The following MGAT4C variants were observed in gnomAD, a reference collection of about 807,000 sequenced individuals.
MGAT4C encodes the protein MGAT4 family member C.
In MGAT4C, 19 loss-of-function variants were observed where a neutral mutation model predicts 40.1. That is an observed-to-expected ratio of 0.47 (90% confidence interval 0.33 to 0.70). MGAT4C has a LOEUF of 0.70. MGAT4C is among the 30% of genes least tolerant of loss of function. The pLI is 0.02. For missense variants in MGAT4C, 491 were observed against 563.2 expected (o/e 0.87, Z 1.30); for synonymous variants, 181 against 187.1 (o/e 0.97, Z 0.27).
At chr12:86,041,070 AC>A (rs1309856317) in intron 2 of MGAT4C, among the ~76,000 whole-genome samples, 7 of 151,530 alleles carry the variant, frequency 4.6e-5, no homozygotes, top group Admixed American at 3.3e-4. Flanking sequence ...TGCTGACATC[AC>A]CCACCTTCTG....
chr12:86,448,739 T>C (rs779334663), intron 2 of MGAT4C, among the ~76,000 whole-genome samples: 1 of 152,226 alleles, frequency 6.6e-6, no homozygotes, highest in Non-Finnish European at 1.5e-5. Flanking sequence ...GGCAAGGAGA[T>C]AGTGTTTAAC....
chr12:86,388,842 T>C (rs555066552), intron 3 of MGAT4C, among the ~76,000 whole-genome samples: 1 of 151,810 alleles, frequency 6.6e-6, no homozygotes, highest in African/African-American at 2.4e-5. Flanking sequence ...CCACCATGCC[T>C]GGCTAATTTT....
At chr12:86,560,112 A>C (rs992085078) in intron 2 of MGAT4C, among the ~76,000 whole-genome samples, 4 of 152,068 alleles carry the variant, frequency 2.6e-5, no homozygotes, top group African/African-American at 4.8e-5. Flanking sequence ...GAATTAAAAA[A>C]AAATTGAACA....
chr12:86,214,066 C>G (rs1282991520), intron 1 of MGAT4C, among the ~76,000 whole-genome samples: 1 of 152,180 alleles, frequency 6.6e-6, no homozygotes, highest in Non-Finnish European at 1.5e-5. Context: ...CTCCCAGGCT[C>G]TATATCATCT....
chr12:86,554,372 T>C (rs929261700), intron 2 of MGAT4C, among the ~76,000 whole-genome samples: 4 of 152,330 alleles, frequency 2.6e-5, no homozygotes, highest in South Asian at 2.1e-4. Flanking sequence ...CAAACCCTGA[T>C]TCACTTTTAG....
At chr12:86,394,662 CTCTG>C (rs1429629692) in intron 3 of MGAT4C, among the ~76,000 whole-genome samples, 9 of 136,968 alleles carry the variant, frequency 6.6e-5, no homozygotes, top group African/African-American at 2.4e-4. Flanking sequence ...GAGACAGAGT[CTCTG>C]TCTGTTGCAG....
chr12:86,608,300 C>T lies in MGAT4C; in HGVS notation c.-229+118909G>A, dbSNP rs138896593. Among the ~76,000 whole-genome samples, 470 of 152,112 alleles carry T rather than the reference C, an allele frequency of 3.1e-3. 2 individuals are homozygous for T. Among genetic ancestry groups the T allele is most frequent in the African/African-American group, 0.011 (456 of 41,492 alleles). On this transcript the variant is annotated intron_variant, in intron 2 of 7. Coordinates refer to the MGAT4C transcript ENST00000548651. ...TCACAGGAAAAATGAAAAGATTCGG[C>T]CAGCATGGTGACTCACACCTATAAT...
intron 2 of MGAT4C, among the ~76,000 whole-genome samples, chr12:86,034,948 A>T (rs1438585909): frequency 6.7e-6 from 1 of 150,020 alleles, no homozygotes; most frequent in Non-Finnish European, 1.5e-5. Context: ...CATAGTGTAT[A>T]TGTGACACAT....
intron 2 of MGAT4C, among the ~76,000 whole-genome samples, chr12:86,499,690 C>G (rs1198401729): frequency 6.6e-6 from 1 of 151,906 alleles, no homozygotes; most frequent in African/African-American, 2.4e-5. Context: ...TAATAATTCT[C>G]ATTTTTCCAT....
At chr12:86,309,874 A>G (rs1954025789) in intron 4 of MGAT4C, among the ~76,000 whole-genome samples, 1 of 152,184 alleles carries the variant, frequency 6.6e-6, no homozygotes, top group Non-Finnish European at 1.5e-5. Context: ...CAAAATTTTA[A>G]AAATAATTTA....
intron 2 of MGAT4C, among the ~76,000 whole-genome samples, chr12:86,458,316 A>G (rs1212568966): frequency 2.0e-5 from 3 of 152,154 alleles, no homozygotes; most frequent in Non-Finnish European, 4.4e-5. Context: ...AGTTGTCTGT[A>G]TAAGGATTTC....
chr12:86,804,552 TAA>T (rs1466533089), intron 1 of MGAT4C, among the ~76,000 whole-genome samples: 9 of 151,994 alleles, frequency 5.9e-5, no homozygotes, highest in African/African-American at 1.9e-4. Flanking sequence ...GTAATTGAAA[TAA>T]GTCTTTGTCA....
At chr12:86,587,577 C>T (rs1375309359) in intron 2 of MGAT4C, among the ~76,000 whole-genome samples, 10 of 152,008 alleles carry the variant, frequency 6.6e-5, no homozygotes, top group Non-Finnish European at 1.3e-4. Flanking sequence ...TCTTCCTACC[C>T]ATGAGCATGG....
chr12:86,290,057 T>A (rs1953467711), intron 4 of MGAT4C, among the ~76,000 whole-genome samples: 1 of 152,132 alleles, frequency 6.6e-6, no homozygotes, highest in Non-Finnish European at 1.5e-5. Flanking sequence ...ATCACTTTTT[T>A]TTTTTTTGAG....
intron 2 of MGAT4C, among the ~76,000 whole-genome samples, chr12:86,031,066 A>C (rs1890715189): frequency 6.6e-6 from 1 of 151,820 alleles, no homozygotes; most frequent in African/African-American, 2.4e-5. Flanking sequence ...TTCTGTCTCA[A>C]ACTGAATCTA....
At chr12:86,501,381 G>T (rs778139879) in intron 2 of MGAT4C, among the ~76,000 whole-genome samples, 2 of 151,836 alleles carry the variant, frequency 1.3e-5, no homozygotes, top group African/African-American at 2.4e-5. Flanking sequence ...AGAAGTGCAG[G>T]TTTGTTACAC....
chr12:86,251,811 C>G (rs1467696426), intron 1 of MGAT4C, among the ~76,000 whole-genome samples: 1 of 151,922 alleles, frequency 6.6e-6, no homozygotes, highest in African/African-American at 2.4e-5. Flanking sequence ...TGAAAATTTA[C>G]CTAGACAACC....
chr12:86,286,044 T>C (rs1421904364), intron 4 of MGAT4C, among the ~76,000 whole-genome samples: 8 of 152,096 alleles, frequency 5.3e-5, no homozygotes. Flanking sequence ...TTATTGTTTC[T>C]CTTTATTTTT....
intron 2 of MGAT4C, among the ~76,000 whole-genome samples, chr12:86,458,826 T>C (rs1279861153): frequency 6.6e-6 from 1 of 152,198 alleles, no homozygotes; most frequent in African/African-American, 2.4e-5. Context: ...ACTATACTTT[T>C]AGGATTATGA....
Sources: gnomAD v4.1 joint callset for allele counts (sites outside exome capture counted in the v4.1 genomes callset) on GRCh38, gnomAD v4.1.1 for gene constraint, MANE v1.5 for transcripts, NCBI Gene and HGNC (gene_info 2026-07-23, HGNC 2026-07-21) for gene names.